Variants in SEMA3A observed in about 807,000 individuals in gnomAD.
SEMA3A encodes semaphorin 3A.
SEMA3A carries 29 observed loss-of-function variants against 97.9 expected under a neutral mutation model. The observed-to-expected ratio is 0.30, with a 90% CI of 0.22 to 0.40. The LOEUF is 0.40. Ranked by LOEUF, SEMA3A falls within the 10% of genes least tolerant of loss-of-function variation. The pLI is 1.00. For missense variants in SEMA3A, 763 were observed against 951.3 expected (o/e 0.80, Z 2.60); for synonymous variants, 321 against 323.7 (o/e 0.99, Z 0.09).
chr7:84,412,585 A>G (rs1237902645), intron 1 of SEMA3A, among the ~76,000 whole-genome samples: 1 of 152,198 alleles, frequency 6.6e-6, no homozygotes, highest in African/African-American at 2.4e-5. Context: ...AACAAGAGCT[A>G]GATCATTTAC....
intron 3 of SEMA3A, among the ~76,000 whole-genome samples, chr7:84,249,706 T>C (rs970921186): frequency 5.9e-5 from 9 of 151,966 alleles, no homozygotes; most frequent in Non-Finnish European, 1.2e-4. Flanking sequence ...AGCAGTGCAT[T>C]TGAGTCTGGT....
chr7:84,112,471 T>C (rs945309026), intron 3 of SEMA3A, among the ~76,000 whole-genome samples: 2 of 152,172 alleles, frequency 1.3e-5, no homozygotes, highest in South Asian at 4.1e-4. Flanking sequence ...CCTGTCAGTA[T>C]CACCTAAGTG....
intron 3 of SEMA3A, among the ~76,000 whole-genome samples, chr7:84,243,174 A>G (rs1201294616): frequency 1.3e-5 from 2 of 152,170 alleles, no homozygotes; most frequent in Admixed American, 1.3e-4. Context: ...AACTGAGTTA[A>G]GGAGGAGTTC....
At chr7:84,110,390 A>C (rs1795240450) in intron 4 of SEMA3A, 80 bp downstream of exon 4, 1 of 1,525,458 alleles carries the variant, frequency 6.6e-7, no homozygotes, top group Admixed American at 1.8e-5. Flanking sequence ...CAAGCAAAAT[A>C]AACTGAAGAA....
intron 12 of SEMA3A, among the ~76,000 whole-genome samples, chr7:83,997,561 A>C (rs1054378709): frequency 6.6e-6 from 1 of 152,158 alleles, no homozygotes; most frequent in African/African-American, 2.4e-5. Flanking sequence ...CCAAAGAAAT[A>C]ATAATGACAA....
chr7:84,425,467 A>G (rs148655102), intron 1 of SEMA3A, among the ~76,000 whole-genome samples: 15,612 of 139,352 alleles, frequency 0.11, 1,686 homozygotes, highest in African/African-American at 0.27. Context: ...ATAAATATAT[A>G]CATATATTTA....
intron 1 of SEMA3A, among the ~76,000 whole-genome samples, chr7:84,443,834 T>C (rs1805334921): frequency 6.6e-6 from 1 of 152,056 alleles, no homozygotes; most frequent in Non-Finnish European, 1.5e-5. Context: ...CTACTTTTGC[T>C]TTGACTGGAC....
chr7:84,341,641 GTATC>G (rs1260629840), intron 2 of SEMA3A, among the ~76,000 whole-genome samples: 1 of 152,018 alleles, frequency 6.6e-6, no homozygotes, highest in Non-Finnish European at 1.5e-5. Flanking sequence ...TGCCCGAACA[GTATC>G]TATCTAAGCC....
At chr7:84,409,843 T>G (rs2116245822) in intron 1 of SEMA3A, among the ~76,000 whole-genome samples, 1 of 152,238 alleles carries the variant, frequency 6.6e-6, no homozygotes, top group Non-Finnish European at 1.5e-5. Context: ...GTTATAAAAC[T>G]TATGTACAAA....
intron 5 of SEMA3A, among the ~76,000 whole-genome samples, chr7:84,059,419 A>G (rs1422530419): frequency 4.6e-5 from 7 of 152,118 alleles, no homozygotes; most frequent in African/African-American, 1.7e-4. Context: ...GAAAAAATAT[A>G]TATCTTCATG....
intron 1 of SEMA3A, among the ~76,000 whole-genome samples, chr7:84,394,015 T>C (rs536992809): frequency 8.5e-5 from 13 of 152,162 alleles, no homozygotes; most frequent in Non-Finnish European, 1.5e-4. Context: ...TATAATTTGC[T>C]GAGAAGAAAT....
chr7:84,491,430 A>G (rs1021580237), intron 1 of SEMA3A, among the ~76,000 whole-genome samples: 6 of 152,098 alleles, frequency 3.9e-5, no homozygotes, highest in African/African-American at 1.4e-4. Context: ...AGCTTTGTGC[A>G]GTGTTTGATG....
intron 3 of SEMA3A, among the ~76,000 whole-genome samples, chr7:84,211,218 A>G (rs1440282985): frequency 6.6e-6 from 1 of 152,206 alleles, no homozygotes; most frequent in Non-Finnish European, 1.5e-5. Context: ...TAGCAACTGA[A>G]TATGAAGAGA....
intron 2 of SEMA3A, among the ~76,000 whole-genome samples, chr7:84,312,901 TATATATATATATATATATATACAC>T (rs779026063): frequency 0.19 from 15,039 of 81,224 alleles, 1,833 homozygotes; most frequent in Non-Finnish European, 0.27. Flanking sequence ...TATATATATA[TATATATATATATATATATATACAC>T]ACACACACAC....
intron 3 of SEMA3A, among the ~76,000 whole-genome samples, chr7:84,298,835 C>G (rs1800928486): frequency 6.6e-6 from 1 of 152,104 alleles, no homozygotes; most frequent in Non-Finnish European, 1.5e-5. Flanking sequence ...GAAAAGCAGA[C>G]TCATCCTCAA....
At chr7:84,316,661 C>T (rs1339620804) in intron 2 of SEMA3A, among the ~76,000 whole-genome samples, 1 of 152,080 alleles carries the variant, frequency 6.6e-6, no homozygotes, top group African/African-American at 2.4e-5. Context: ...ATCTTCTCTC[C>T]TGTTACTTGA....
At chr7:84,220,336 G>A (rs542082028) in intron 3 of SEMA3A, among the ~76,000 whole-genome samples, 15 of 152,032 alleles carry the variant, frequency 9.9e-5, no homozygotes, top group Non-Finnish European at 7.4e-5. Flanking sequence ...CTCCACTGAA[G>A]TCTTAAAATC....
intron 14 of SEMA3A, among the ~76,000 whole-genome samples, chr7:83,978,631 T>A (rs1239500446): frequency 6.6e-6 from 1 of 152,344 alleles, no homozygotes; most frequent in East Asian, 1.9e-4. Flanking sequence ...ACTGTATTCA[T>A]AAATTTAGAA....
At chr7:84,151,703 A>C (rs1796677547) in intron 1 of SEMA3A, among the ~76,000 whole-genome samples, 1 of 152,182 alleles carries the variant, frequency 6.6e-6, no homozygotes, top group Admixed American at 6.5e-5. Flanking sequence ...ATGGGATCTC[A>C]TTAAACTAAA....
Sources: allele counts gnomAD v4.1 joint callset (sites outside exome capture counted in the v4.1 genomes callset), GRCh38; gene constraint gnomAD v4.1.1; transcripts MANE v1.5; gene names NCBI Gene and HGNC (gene_info 2026-07-23, HGNC 2026-07-21).